Variants in LRRC75A observed in about 807,000 individuals in gnomAD.
The protein encoded by LRRC75A is leucine-rich repeat-containing protein 75A.
A neutral mutation model predicts 26.0 loss-of-function variants in LRRC75A; 12 were observed. The observed-to-expected ratio is 0.46, with a 90% CI of 0.30 to 0.75. LRRC75A has a LOEUF of 0.75. LRRC75A is among the 30% of genes least tolerant of loss of function. The pLI, the probability that LRRC75A is intolerant of heterozygous loss-of-function variation, is 0.08. For missense variants in LRRC75A, 410 were observed against 486.6 expected (o/e 0.84, Z 1.48); for synonymous variants, 223 against 219.3 (o/e 1.02, Z -0.15).
At chr17:16,484,440 G>C (rs2093841638) in intron 1 of LRRC75A, among the ~76,000 whole-genome samples, 1 of 152,202 alleles carries the variant, frequency 6.6e-6, no homozygotes. Context: ...GCCATGTGCA[G>C]ATTGGGGAGG....
intron 1 of LRRC75A, among the ~76,000 whole-genome samples, chr17:16,490,463 C>T (rs891994848): frequency 3.3e-5 from 5 of 152,182 alleles, no homozygotes; most frequent in South Asian, 2.1e-4. Flanking sequence ...AGCAGCGTCT[C>T]GGGCATCATT....
intron 1 of LRRC75A, among the ~76,000 whole-genome samples, chr17:16,469,289 C>A (rs537838495): frequency 6.6e-6 from 1 of 152,314 alleles, no homozygotes; most frequent in African/African-American, 2.4e-5. Context: ...GCTTGTTAAT[C>A]TCCCCTTTCA....
intron 1 of LRRC75A, chr17:16,464,063 G>A (rs1190888522): frequency 6.6e-6 from 1 of 152,316 alleles, no homozygotes; most frequent in Non-Finnish European, 1.5e-5. Flanking sequence ...CCAACTGCCA[G>A]CCAGGTCCTA....
chr17:16,449,969 A>T (rs2093617514), intron 2 of LRRC75A, among the ~76,000 whole-genome samples: 1 of 152,152 alleles, frequency 6.6e-6, no homozygotes, highest in Admixed American at 6.6e-5. Flanking sequence ...GGAGAAAGAA[A>T]ACGTGAGGCA....
At chr17:16,467,337 T>A (rs2093777233) in intron 1 of LRRC75A, among the ~76,000 whole-genome samples, 1 of 152,102 alleles carries the variant, frequency 6.6e-6, no homozygotes. Flanking sequence ...TTTTTTTAGA[T>A]GTGAAAACAA....
chr17:16,450,519 GTTACA>G (rs1361781231), intron 2 of LRRC75A, among the ~76,000 whole-genome samples: 4 of 152,146 alleles, frequency 2.6e-5, no homozygotes, highest in South Asian at 4.2e-4. Context: ...ACACCTGTGT[GTTACA>G]CCTGTCACTC....
chr17:16,475,884 T>G (rs2093818550), intron 1 of LRRC75A, among the ~76,000 whole-genome samples: 1 of 151,932 alleles, frequency 6.6e-6, no homozygotes, highest in South Asian at 2.1e-4. Context: ...CCCTCTCTAC[T>G]AAAAATATAA....
intron 2 of LRRC75A, among the ~76,000 whole-genome samples, chr17:16,457,924 T>C (rs938598924): frequency 2.0e-5 from 3 of 152,098 alleles, no homozygotes; most frequent in African/African-American, 7.2e-5. Context: ...CAGAAAGTTA[T>C]GATCACACCT....
chr17:16,456,206 GGAGGAGGAA>G (rs1177039685), intron 2 of LRRC75A, among the ~76,000 whole-genome samples: 6 of 58,496 alleles, frequency 1.0e-4, no homozygotes, highest in East Asian at 5.0e-4. Flanking sequence ...AGGAGGAAGA[GGAGGAGGAA>G]GAGGAGGAAG....
Position 16,441,905 on chromosome 17 carries a change from G to A in LRRC75A, c.*1683C>T, listed in dbSNP as rs1182493383. The A allele has an allele frequency of 3.1e-5, 1 of 32,590 alleles. No individual in the cohort carries two copies. Among genetic ancestry groups the A allele is most frequent in the Non-Finnish European group, 5.4e-5 (1 of 18,572 alleles). 2.0% of individuals were successfully genotyped at this position (32,590 alleles called of 1,614,324 possible). A position where few individuals can be genotyped will look rare whatever the true frequency, so the allele number is the denominator to read the frequency against. On this transcript the variant is annotated 3_prime_UTR_variant, in exon 4 of 4. Coordinates refer to ENST00000470794, the MANE Select transcript of LRRC75A (RefSeq NM_001113567.3). ...TTAATGAATTGACTTTCATAAATTG[G>A]TTATGTTGGTGGGCAAAGTTCTTTA...
intron 2 of LRRC75A, among the ~76,000 whole-genome samples, chr17:16,455,877 G>C (rs948278581): frequency 1.3e-5 from 2 of 152,182 alleles, no homozygotes; most frequent in African/African-American, 4.8e-5. Context: ...GCTTAGGTCA[G>C]TTCAAAGTGT....
chr17:16,458,293 C>T lies in LRRC75A; in HGVS notation c.375+3965G>A, dbSNP rs911575778. Among the ~76,000 whole-genome samples the T allele has an allele frequency of 7.9e-5, 12 of 151,414 alleles. No individual in the cohort carries two copies. In the South Asian group the frequency reaches 1.0e-3, roughly 13 times the overall value. ...TTGCACTCCAGCCTAGGTGATACAG[C>T]GAGACTCTGTCAAAAGAAAGAAAGA... On this transcript the variant is annotated intron_variant, in intron 2 of 3. Coordinates refer to ENST00000470794, the MANE Select transcript of LRRC75A (RefSeq NM_001113567.3).
At chr17:16,458,238 CAG>C (rs1248337181) in intron 2 of LRRC75A, among the ~76,000 whole-genome samples, 1 of 151,870 alleles carries the variant, frequency 6.6e-6, no homozygotes, top group Non-Finnish European at 1.5e-5. Flanking sequence ...ACCCGGGAGG[CAG>C]AGGTTGCAGC....
At chr17:16,456,233 G>T (rs2093679959) in intron 2 of LRRC75A, among the ~76,000 whole-genome samples, 1 of 110,194 alleles carries the variant, frequency 9.1e-6, no homozygotes, top group South Asian at 2.7e-4. Context: ...AAGAAGAGGA[G>T]AAAGGAGGAG....
intron 3 of LRRC75A, among the ~76,000 whole-genome samples, 184 bp downstream of exon 3, chr17:16,447,661 C>T (rs2093597119): frequency 1.3e-5 from 2 of 152,132 alleles, no homozygotes; most frequent in South Asian, 2.1e-4. Flanking sequence ...CTCCCACCCA[C>T]CAGACCAGGG....
chr17:16,469,911 G>A (rs747389762), intron 1 of LRRC75A, among the ~76,000 whole-genome samples: 26 of 152,254 alleles, frequency 1.7e-4, no homozygotes, highest in Non-Finnish European at 2.9e-4. Context: ...TGTCACTTGC[G>A]TGGTACAGGA....
chr17:16,466,004 TAG>T (rs1426520090), intron 1 of LRRC75A, among the ~76,000 whole-genome samples: 5 of 152,218 alleles, frequency 3.3e-5, no homozygotes, highest in Non-Finnish European at 7.4e-5. Context: ...GAAAGCCAGA[TAG>T]AGGCTGGCCA....
At position 16,462,502 on chromosome 17, in the gene LRRC75A, G is replaced by T; in HGVS notation, c.247-116C>A. Reference sequence around the variant, plus strand: ...GGCGACTCTGCCTCCCAGAGCCCCGGTGGGGAGCATCTGCAGAACTTCCCT... The same window carrying T: ...GGCGACTCTGCCTCCCAGAGCCCCGTTGGGGAGCATCTGCAGAACTTCCCT... On this transcript the variant is annotated intron_variant, in intron 1 of 3. Transcript: ENST00000470794. This position sits in a 1 kb window ranked among gnomAD's most constrained non-coding sequence, Gnocchi z 4.6. 1 of 1,389,522 alleles carries T rather than the reference G, an allele frequency of 7.2e-7. No homozygotes were observed. The allele number at this position is 1,389,522 out of a possible 1,614,324, so 86.1% of individuals were successfully genotyped here.
chr17:16,478,272 T>C (rs12603234), intron 1 of LRRC75A: 36,626 of 150,486 alleles, frequency 0.24, 4,561 homozygotes, highest in Middle Eastern at 0.37. Context: ...ACTGCAACCT[T>C]CGCCTCCCAA....
Sources: allele counts gnomAD v4.1 joint callset (sites outside exome capture counted in the v4.1 genomes callset), GRCh38; gene constraint gnomAD v4.1.1; non-coding constraint Gnocchi (gnomAD v3.1); transcripts MANE v1.5; gene names NCBI Gene and HGNC (gene_info 2026-07-23, HGNC 2026-07-21).